The following EGFR variants were observed in gnomAD, a reference collection of about 807,000 sequenced individuals.
The protein encoded by EGFR is epidermal growth factor receptor.
Under a neutral mutation model 143.0 loss-of-function variants are expected in EGFR, and 58 were observed. That is an observed-to-expected ratio of 0.41 (90% CI 0.33 to 0.50). The LOEUF is 0.50. Ranked by LOEUF, EGFR falls within the 20% of genes least tolerant of loss-of-function variation. The pLI, the probability that EGFR is intolerant of heterozygous loss-of-function variation, is 0.39. For missense variants in EGFR, 1,307 were observed against 1,579.0 expected (o/e 0.83, Z 2.92); for synonymous variants, 613 against 594.4 (o/e 1.03, Z -0.45).
chr7:55,145,364 C>T (rs1794707923), intron 3 of EGFR, among the ~76,000 whole-genome samples: 1 of 152,232 alleles, frequency 6.6e-6, no homozygotes, highest in Admixed American at 6.5e-5. Flanking sequence ...CTGCTGTCAT[C>T]TCCAACCTGA....
intron 1 of EGFR, among the ~76,000 whole-genome samples, chr7:55,088,057 AC>A: frequency 1.5e-4 from 2 of 13,308 alleles, no homozygotes; most frequent in Admixed American, 1.4e-3. Flanking sequence ...GGGTATAAAC[AC>A]ACACACACAC....
intron 1 of EGFR, among the ~76,000 whole-genome samples, chr7:55,021,659 A>G (rs1037722602): frequency 2.0e-5 from 3 of 152,196 alleles, no homozygotes; most frequent in East Asian, 3.9e-4. Flanking sequence ...GCCTGTGTCT[A>G]TCAAATTCAG....
intron 1 of EGFR, among the ~76,000 whole-genome samples, chr7:55,064,169 T>G (rs1394985094): frequency 6.6e-6 from 1 of 152,196 alleles, no homozygotes; most frequent in Non-Finnish European, 1.5e-5. Context: ...TACCTGCAGT[T>G]TATATGCAAA....
chr7:55,144,196 A>C (rs530215986), intron 3 of EGFR, among the ~76,000 whole-genome samples: 1 of 152,198 alleles, frequency 6.6e-6, no homozygotes, highest in Non-Finnish European at 1.5e-5. Flanking sequence ...ATGGCATCCT[A>C]TCTGGCTGGA....
At chr7:55,201,630 C>A (rs1787853408) in intron 25 of EGFR, 105 bp from the exon 26 acceptor site, 1 of 1,421,874 alleles carries the variant, frequency 7.0e-7, no homozygotes, top group Non-Finnish European at 9.9e-7. Flanking sequence ...AAAAATTAAA[C>A]ACCTTCACAA....
At chr7:55,152,982 C>A (rs1207700372) in intron 6 of EGFR, among the ~76,000 whole-genome samples, 2 of 152,252 alleles carry the variant, frequency 1.3e-5, no homozygotes, top group Non-Finnish European at 2.9e-5. Context: ...ACAGAACAAG[C>A]ACTAAATACT....
chr7:55,078,167 G>A (rs1790237230), intron 1 of EGFR, among the ~76,000 whole-genome samples: 1 of 152,122 alleles, frequency 6.6e-6, no homozygotes, highest in Admixed American at 6.5e-5. Context: ...TGGGTGTGTG[G>A]CGTGTGGGGA....
chr7:55,049,582 TCTC>T (rs965321207), intron 1 of EGFR, among the ~76,000 whole-genome samples: 3 of 151,896 alleles, frequency 2.0e-5, no homozygotes, highest in African/African-American at 7.3e-5. Flanking sequence ...TGCTGTCTTC[TCTC>T]CTCCTCCTCC....
chr7:55,039,511 C>T (rs1787783057), intron 1 of EGFR, among the ~76,000 whole-genome samples: 1 of 152,100 alleles, frequency 6.6e-6, no homozygotes, highest in Non-Finnish European at 1.5e-5. Context: ...TGGTGAAAGG[C>T]ACAAGGAGGC....
chr7:55,130,884 G>C (rs1793792983), intron 1 of EGFR, among the ~76,000 whole-genome samples: 1 of 152,230 alleles, frequency 6.6e-6, no homozygotes, highest in South Asian at 2.1e-4. Context: ...GGGCTGGTCA[G>C]CTGCGGTCAG....
intron 1 of EGFR, among the ~76,000 whole-genome samples, chr7:55,055,331 AT>A (rs1232525062): frequency 6.6e-6 from 1 of 152,084 alleles, no homozygotes; most frequent in African/African-American, 2.4e-5. Flanking sequence ...CCCTACAGGT[AT>A]TTTTTTAAAG....
chr7:55,077,495 C>G (rs1244435218), intron 1 of EGFR, among the ~76,000 whole-genome samples: 1 of 152,088 alleles, frequency 6.6e-6, no homozygotes, highest in African/African-American at 2.4e-5. Context: ...TTTTCTCTGA[C>G]AGTGAAAAGT....
chr7:55,098,609 T>C (rs1791620717), intron 1 of EGFR, among the ~76,000 whole-genome samples: 1 of 152,230 alleles, frequency 6.6e-6, no homozygotes, highest in African/African-American at 2.4e-5. Context: ...ATAAGTACTG[T>C]ATGCATATTG....
intron 22 of EGFR, 30 bp from the exon 23 acceptor site, chr7:55,198,687 C>G (rs2128968569): frequency 1.2e-6 from 2 of 1,614,104 alleles, no homozygotes; most frequent in South Asian, 1.1e-5. Flanking sequence ...CATGATCCCA[C>G]TGCCTTCTTT....
chr7:55,074,633 C>G (rs567110600), intron 1 of EGFR, among the ~76,000 whole-genome samples: 2 of 152,102 alleles, frequency 1.3e-5, no homozygotes, highest in African/African-American at 4.8e-5. Flanking sequence ...CTTGGATATA[C>G]GACATGATTA....
At chr7:55,035,522 AC>A (rs373369968) in intron 1 of EGFR, among the ~76,000 whole-genome samples, 4 of 145,378 alleles carry the variant, frequency 2.8e-5, no homozygotes, top group Non-Finnish European at 4.6e-5. Flanking sequence ...AAAAAAAAAA[AC>A]AAAAAAAAAA....
At chr7:55,132,125 C>A (rs901467389) in intron 1 of EGFR, among the ~76,000 whole-genome samples, 1 of 151,134 alleles carries the variant, frequency 6.6e-6, no homozygotes, top group Non-Finnish European at 1.5e-5. Context: ...GGCTTTAAAT[C>A]GCAATTCTGC....
rs756703787 is a variant in EGFR at position 55,191,845 on chromosome 7, G to A, written c.2596G>A (p.Glu866Lys). The change falls in exon 21 of 28, where the codon GAG (glutamate) becomes AAG (lysine). Residue 866 changes from glutamate to lysine, a missense_variant. This residue lies in a region of EGFR where 348 missense variants were observed against 451.5 expected (regional missense o/e 0.77). Transcript: ENST00000275493. Reference sequence around the variant, plus strand: ...GCTGGCCAAACTGCTGGGTGCGGAAGAGAAAGAATACCATGCAGAAGGAGG... The same window carrying A: ...GCTGGCCAAACTGCTGGGTGCGGAAAAGAAAGAATACCATGCAGAAGGAGG... The part of the protein sequence containing the change: ...FGLAKLLGAE[E>K]KEYHAEGGKV... The A allele has an allele frequency of 1.9e-6, 3 of 1,614,050 alleles. No homozygotes were observed. The highest frequency in any genetic ancestry group is 2.2e-5 in the South Asian group (2 of 91,086).
intron 21 of EGFR, 66 bp downstream of exon 21, chr7:55,191,940 A>G (rs1295274509): frequency 6.2e-7 from 1 of 1,603,576 alleles, no homozygotes; most frequent in Non-Finnish European, 8.5e-7. Flanking sequence ...CCTTCCCACT[A>G]GCTGTATTGT....
Sources: gnomAD v4.1 joint callset for allele counts (sites outside exome capture counted in the v4.1 genomes callset) on GRCh38, gnomAD v4.1.1 for gene constraint, gnomAD v4.1.1 regional missense constraint, MANE v1.5 for transcripts, NCBI Gene and HGNC (gene_info 2026-07-23, HGNC 2026-07-21) for gene names.